The following FILIP1L variants were observed in gnomAD, a reference collection of about 807,000 sequenced individuals.
The protein encoded by FILIP1L is filamin A-interacting protein 1-like.
FILIP1L carries 55 observed loss-of-function variants against 96.6 expected under a neutral mutation model. The ratio of observed to expected loss-of-function variants is 0.57; its 90% CI spans 0.46 to 0.71. The LOEUF (loss-of-function observed/expected upper bound fraction) is 0.71. Among genes scored for constraint, FILIP1L ranks in the 30% least tolerant of loss-of-function variants. The pLI, the probability that FILIP1L is intolerant of heterozygous loss-of-function variation, is 0.00. For synonymous variants in FILIP1L, 467 were observed against 473.9 expected, an observed-to-expected ratio of 0.99 and a Z score of 0.19; for missense variants, 1,304 against 1,321.2, an observed-to-expected ratio of 0.99 and a Z score of 0.20.
At chr3:100,056,988 A>G (rs527329431) in intron 1 of FILIP1L, among the ~76,000 whole-genome samples, 1 of 152,194 alleles carries the variant, frequency 6.6e-6, no homozygotes, top group Admixed American at 6.5e-5. Flanking sequence ...TGGGCAACAG[A>G]GCGAGACTCT....
intron 1 of FILIP1L, among the ~76,000 whole-genome samples, chr3:99,998,926 C>T (rs1038259533): frequency 6.6e-6 from 1 of 152,196 alleles, no homozygotes; most frequent in East Asian, 1.9e-4. Context: ...CAGTAGTTCT[C>T]CACTATCTTT....
At chr3:100,074,333 G>C (rs1478838050) in intron 1 of FILIP1L, among the ~76,000 whole-genome samples, 2 of 152,182 alleles carry the variant, frequency 1.3e-5, no homozygotes, top group Non-Finnish European at 2.9e-5. Context: ...TCTGGGAACA[G>C]ACAAGATGTC....
At chr3:99,868,507 C>T (rs1489396032) in intron 4 of FILIP1L, among the ~76,000 whole-genome samples, 1 of 152,188 alleles carries the variant, frequency 6.6e-6, no homozygotes, top group African/African-American at 2.4e-5. Flanking sequence ...GTAACAGTAG[C>T]TGCTATAGGT....
chr3:99,905,001 G>A (rs948338325), intron 4 of FILIP1L, among the ~76,000 whole-genome samples: 7 of 152,182 alleles, frequency 4.6e-5, no homozygotes, highest in Non-Finnish European at 1.0e-4. Context: ...GGCATCCTCA[G>A]ATCCAAAAGC....
rs1553702701 is a variant in FILIP1L at position 99,983,389 on chromosome 3, A to AATATGTAT, written c.-10-52360_-10-52359insATACATAT. Among the ~76,000 whole-genome samples, 48 of 40,794 alleles carry AATATGTAT rather than the reference A, an allele frequency of 1.2e-3. 3 individuals carry two copies. Among genetic ancestry groups the AATATGTAT allele is most frequent in the Non-Finnish European group, 1.4e-3 (31 of 22,286 alleles). The allele number at this position is 40,794 out of a possible 152,430, so 26.8% of individuals were successfully genotyped here. A position where few individuals can be genotyped will look rare whatever the true frequency, so the allele number is the denominator to read the frequency against. On this transcript the variant is annotated intron_variant, in intron 1 of 5. Transcript: ENST00000477258. ...TCTCTACTTAAAAAATAAATAAATAAATATATATATATATATATATATATA... is the reference window on the plus strand; with the variant it reads ...TCTCTACTTAAAAAATAAATAAATAAATATGTATATATATATATATATATATATATATA...
intron 1 of FILIP1L, among the ~76,000 whole-genome samples, chr3:100,105,646 A>G (rs2107465923): frequency 6.6e-6 from 1 of 152,266 alleles, no homozygotes; most frequent in East Asian, 1.9e-4. Context: ...GGCTGAGGGA[A>G]GGTCATTAAT....
chr3:100,079,842 C>A (rs1247860529), intron 1 of FILIP1L, among the ~76,000 whole-genome samples: 1 of 151,918 alleles, frequency 6.6e-6, no homozygotes, highest in Non-Finnish European at 1.5e-5. Flanking sequence ...GATTTGATAT[C>A]TCTATTATTT....
chr3:100,057,436 A>G (rs770113079), intron 1 of FILIP1L, among the ~76,000 whole-genome samples: 6 of 152,252 alleles, frequency 3.9e-5, no homozygotes, highest in Non-Finnish European at 7.3e-5. Flanking sequence ...GAATCTGCTT[A>G]TAAATTGGAA....
chr3:99,968,877 G>T (rs890595006), intron 1 of FILIP1L, among the ~76,000 whole-genome samples: 4 of 152,060 alleles, frequency 2.6e-5, no homozygotes, highest in Non-Finnish European at 2.9e-5. Context: ...GTTGAGAAGG[G>T]TTAGCACAAA....
intron 1 of FILIP1L, chr3:100,010,242 T>C (rs1195705616): frequency 2.1e-6 from 1 of 477,718 alleles, no homozygotes; most frequent in East Asian, 1.5e-4. Context: ...TCTCAGTATG[T>C]TTTTCCCCCC....
intron 1 of FILIP1L, among the ~76,000 whole-genome samples, chr3:100,061,158 A>T (rs534193355): frequency 2.0e-3 from 307 of 152,358 alleles, no homozygotes; most frequent in Non-Finnish European, 3.3e-3. Flanking sequence ...AAAAAATTTT[A>T]AAAGGAAGGA....
intron 1 of FILIP1L, among the ~76,000 whole-genome samples, chr3:99,972,603 C>A (rs1313967165): frequency 6.6e-6 from 1 of 152,176 alleles, no homozygotes; most frequent in Non-Finnish European, 1.5e-5. Context: ...GTTCATGTTT[C>A]CATGGGCTGT....
intron 1 of FILIP1L, among the ~76,000 whole-genome samples, chr3:100,097,201 T>G (rs2066225182): frequency 6.6e-6 from 1 of 152,188 alleles, no homozygotes; most frequent in African/African-American, 2.4e-5. Context: ...AAAGACTAAT[T>G]CCAGTTGCCC....
intron 4 of FILIP1L, among the ~76,000 whole-genome samples, chr3:99,903,750 G>A (rs2107630261): frequency 6.6e-6 from 1 of 152,196 alleles, no homozygotes; most frequent in Middle Eastern, 3.4e-3. Context: ...GGGCTGGTTG[G>A]ATCAGTGACG....
Position 99,885,378 on chromosome 3 carries a change from A to G in FILIP1L, c.606-34308T>C, listed in dbSNP as rs149683698. ...GCATTCTAAGATTTATAGAAGTACAAACTTATCTTATTATTGCTAATTTGT... is the reference window on the plus strand; with the variant it reads ...GCATTCTAAGATTTATAGAAGTACAGACTTATCTTATTATTGCTAATTTGT... On this transcript the variant is annotated intron_variant, in intron 4 of 5. Transcript: ENST00000477258. 6.7e-3 allele frequency among the ~76,000 whole-genome samples: 1,026 copies of G among 152,306 alleles called. 3 individuals carry two copies. Among genetic ancestry groups the G allele is most frequent in the African/African-American group, 8.5e-3 (355 of 41,566 alleles).
intron 1 of FILIP1L, among the ~76,000 whole-genome samples, chr3:99,950,871 AAGAAAG>A (rs1239562685): frequency 2.0e-5 from 3 of 152,142 alleles, no homozygotes; most frequent in African/African-American, 7.2e-5. Context: ...GAGAGAGAGA[AAGAAAG>A]AGAGAAAAAC....
intron 1 of FILIP1L, among the ~76,000 whole-genome samples, chr3:100,021,074 A>G (rs2064807216): frequency 6.6e-6 from 1 of 152,068 alleles, no homozygotes; most frequent in Admixed American, 6.6e-5. Context: ...CTAATTTTGC[A>G]TTTTCTTAGT....
At position 100,056,702 on chromosome 3, in the gene FILIP1L, A is replaced by T. The variant is rs951933389; in HGVS notation, c.-11+57351T>A. Among the ~76,000 whole-genome samples the T allele has an allele frequency of 2.9e-5, 3 of 102,100 alleles. 1 individual carries two copies. The highest frequency in any genetic ancestry group is 1.1e-4 in the Admixed American group (1 of 9,082). The allele number at this position is 102,100 out of a possible 152,430, so 67.0% of individuals were successfully genotyped here. A position where few individuals can be genotyped will look rare whatever the true frequency, so the allele number is the denominator to read the frequency against. On this transcript the variant is annotated intron_variant, in intron 1 of 5. Coordinates refer to ENST00000477258, the MANE Select transcript of FILIP1L (RefSeq NM_001387850.1). ...AACCAGGTAGCAGCTCTAGACCATT[A>T]AAAAAAAAAAAATGGGGCCGGGCGC...
chr3:100,107,628 T>C (rs1444096109), intron 1 of FILIP1L, among the ~76,000 whole-genome samples: 3 of 152,176 alleles, frequency 2.0e-5, no homozygotes, highest in Non-Finnish European at 4.4e-5. Flanking sequence ...TAAAACCCTG[T>C]TGGAAATTCC....
Sources: allele counts gnomAD v4.1 joint callset (sites outside exome capture counted in the v4.1 genomes callset), GRCh38; gene constraint gnomAD v4.1.1; transcripts MANE v1.5; gene names NCBI Gene and HGNC (gene_info 2026-07-23, HGNC 2026-07-21).